Variants in CNTNAP2 observed in about 807,000 individuals in gnomAD.
CNTNAP2 encodes the protein contactin-associated protein-like 2.
CNTNAP2 carries 98 observed loss-of-function variants against 155.2 expected under a neutral mutation model. The observed-to-expected ratio is 0.63, with a 90% CI of 0.54 to 0.75. CNTNAP2 has a LOEUF of 0.75. Among genes scored for constraint, CNTNAP2 ranks in the 30% least tolerant of loss-of-function variants. CNTNAP2 has a pLI of 0.00. For missense variants in CNTNAP2, 1,727 were observed against 1,688.1 expected (o/e 1.02, Z -0.40); for synonymous variants, 651 against 631.2 (o/e 1.03, Z -0.47).
intron 1 of CNTNAP2, among the ~76,000 whole-genome samples, chr7:146,303,106 G>A (rs1285225883): frequency 6.7e-6 from 1 of 150,354 alleles, no homozygotes; most frequent in Admixed American, 6.6e-5. Flanking sequence ...GTGTGTGTGT[G>A]TGCGCATGCA....
chr7:147,375,170 A>G (rs1796414213), intron 9 of CNTNAP2, among the ~76,000 whole-genome samples: 2 of 152,008 alleles, frequency 1.3e-5, no homozygotes, highest in African/African-American at 4.8e-5. Context: ...TAAGTCAATT[A>G]AACCTCTTTC....
At chr7:146,832,274 T>A (rs983934947) in intron 2 of CNTNAP2, among the ~76,000 whole-genome samples, 3 of 152,116 alleles carry the variant, frequency 2.0e-5, no homozygotes, top group African/African-American at 7.2e-5. Flanking sequence ...GTTCAGAAGG[T>A]CTTAAAATTC....
rs140182409 is a variant in CNTNAP2 at position 146,810,123 on chromosome 7, T to C, written c.209-29588T>C. Among the ~76,000 whole-genome samples, 851 of 152,260 alleles carry C rather than the reference T, an allele frequency of 5.6e-3. 6 individuals are homozygous for C. The highest frequency in any genetic ancestry group is 0.017 in the African/African-American group (687 of 41,554). On this transcript the variant is annotated intron_variant, in intron 2 of 23. Transcript: ENST00000361727. ...GAGACATCTTTTTCCTCATTGTGTATTATTAATGGCATTATCAAAGAGTAG... is the reference window on the plus strand; with the variant it reads ...GAGACATCTTTTTCCTCATTGTGTACTATTAATGGCATTATCAAAGAGTAG...
chr7:147,103,518 A>G (rs775967827), intron 4 of CNTNAP2, among the ~76,000 whole-genome samples: 4 of 152,072 alleles, frequency 2.6e-5, no homozygotes, highest in Non-Finnish European at 2.9e-5. Flanking sequence ...TGCATAAACT[A>G]TATAGTATTC....
In CNTNAP2 at chr7:146,721,380, C is replaced by CTATATATATTATA. The variant is rs1193235869; in HGVS notation, c.98-52885_98-52884insTATTATATATATA. On this transcript the variant is annotated intron_variant, in intron 1 of 23. Coordinates refer to ENST00000361727, the MANE Select transcript of CNTNAP2 (RefSeq NM_014141.6). ...TCTATATACATTCTATATATACATT[C>CTATATATATTATA]TATATACATTCTATATACATTCTAT... Among the ~76,000 whole-genome samples, 319 of 111,672 alleles carry CTATATATATTATA rather than the reference C, an allele frequency of 2.9e-3. 8 individuals are homozygous for CTATATATATTATA. The highest frequency in any genetic ancestry group is 9.9e-3 in the East Asian group (33 of 3,320). The allele number at this position is 111,672 out of a possible 152,430, so 73.3% of individuals were successfully genotyped here. A position where few individuals can be genotyped will look rare whatever the true frequency, so the allele number is the denominator to read the frequency against.
intron 1 of CNTNAP2, among the ~76,000 whole-genome samples, chr7:146,404,188 T>C (rs1006792351): frequency 1.3e-5 from 2 of 149,012 alleles, no homozygotes; most frequent in African/African-American, 2.5e-5. Flanking sequence ...AATAAGAAGA[T>C]GAAAAGATGA....
chr7:147,093,195 C>T (rs1383020008), intron 4 of CNTNAP2, among the ~76,000 whole-genome samples: 2 of 144,724 alleles, frequency 1.4e-5, no homozygotes, highest in South Asian at 2.2e-4. Context: ...GAGCTGAGAT[C>T]GCACCACTGC....
intron 2 of CNTNAP2, among the ~76,000 whole-genome samples, chr7:146,812,445 A>T (rs7806504): frequency 0.12 from 17,342 of 144,420 alleles, 3,375 homozygotes; most frequent in African/African-American, 0.41. Flanking sequence ...ATATATAAAA[A>T]ATATATATAT....
At chr7:148,062,011 T>TGATAGAGAG (rs1554468163) in intron 15 of CNTNAP2, among the ~76,000 whole-genome samples, 273 of 84,102 alleles carry the variant, frequency 3.2e-3, no homozygotes, top group Middle Eastern at 6.9e-3. Context: ...AGATAGATGA[T>TGATAGAGAG]AGAGAGAGAG....
chr7:147,921,001 G>A (rs536931015), intron 14 of CNTNAP2, among the ~76,000 whole-genome samples: 41 of 151,678 alleles, frequency 2.7e-4, no homozygotes, highest in African/African-American at 9.2e-4. Context: ...AGTAGAGATG[G>A]GGTTTCACCA....
intron 10 of CNTNAP2, among the ~76,000 whole-genome samples, chr7:147,436,498 A>G (rs2116539195): frequency 6.6e-6 from 1 of 152,330 alleles, no homozygotes; most frequent in Non-Finnish European, 1.5e-5. Context: ...AACAAAAAGC[A>G]GATGAGTGTG....
chr7:146,314,680 TA>T (rs1800879753), intron 1 of CNTNAP2, among the ~76,000 whole-genome samples: 1 of 152,234 alleles, frequency 6.6e-6, no homozygotes, highest in Admixed American at 6.5e-5. Flanking sequence ...GCAAAGACTG[TA>T]AAAGTTGAAG....
intron 16 of CNTNAP2, among the ~76,000 whole-genome samples, chr7:148,147,245 G>A (rs778720592): frequency 6.6e-6 from 1 of 152,068 alleles, no homozygotes; most frequent in South Asian, 2.1e-4. Flanking sequence ...ATCTTGGAAG[G>A]CTTCTAAAAT....
chr7:146,213,961 T>A (rs1366708395), intron 1 of CNTNAP2, among the ~76,000 whole-genome samples: 1 of 152,220 alleles, frequency 6.6e-6, no homozygotes, highest in East Asian at 1.9e-4. Flanking sequence ...AAATTTGCAT[T>A]GACTCTTTAG....
intron 15 of CNTNAP2, 37 bp downstream of exon 15, chr7:147,978,026 AT>A (rs1167721399): frequency 1.2e-6 from 2 of 1,612,814 alleles, no homozygotes; most frequent in Non-Finnish European, 1.7e-6. Context: ...GCACTTTCTT[AT>A]CCCATTTAAA....
chr7:148,290,112 G>T (rs73464198), intron 21 of CNTNAP2, among the ~76,000 whole-genome samples: 22,350 of 152,020 alleles, frequency 0.15, 2,006 homozygotes, highest in African/African-American at 0.24. Context: ...AGTAGTCACG[G>T]TATCCTAGAT....
At chr7:146,741,625 G>C (rs1036291493) in intron 1 of CNTNAP2, among the ~76,000 whole-genome samples, 1 of 152,152 alleles carries the variant, frequency 6.6e-6, no homozygotes. Context: ...ACTGTGAAGG[G>C]AATTTTCGAT....
intron 1 of CNTNAP2, among the ~76,000 whole-genome samples, chr7:146,767,607 C>T (rs941235011): frequency 6.6e-6 from 1 of 151,948 alleles, no homozygotes; most frequent in Non-Finnish European, 1.5e-5. Flanking sequence ...AAGAGATACA[C>T]AAAAGCAATG....
intron 6 of CNTNAP2, among the ~76,000 whole-genome samples, chr7:147,127,633 C>T (rs1801266990): frequency 6.6e-6 from 1 of 152,092 alleles, no homozygotes. Context: ...AGATTCCTAA[C>T]CATTTAGTGA....
Sources: gnomAD v4.1 joint callset for allele counts (sites outside exome capture counted in the v4.1 genomes callset) on GRCh38, gnomAD v4.1.1 for gene constraint, MANE v1.5 for transcripts, NCBI Gene and HGNC (gene_info 2026-07-23, HGNC 2026-07-21) for gene names.